BMPR1A: variants seen among roughly 807,000 people sequenced by gnomAD.
BMPR1A encodes bone morphogenetic protein receptor type 1A.
In BMPR1A, 7 loss-of-function variants were observed where a neutral mutation model predicts 66.0. The ratio of observed to expected loss-of-function variants is 0.11; its 90% CI spans 0.06 to 0.20. The LOEUF is 0.20. BMPR1A is among the 10% of genes least tolerant of loss of function. The probability of loss-of-function intolerance (pLI) is 1.00; values close to 1 mark genes in which losing one functional copy is unlikely to be tolerated. For synonymous variants in BMPR1A, 200 were observed against 229.7 expected (o/e 0.87, Z 1.17); for missense variants, 408 against 669.1 (o/e 0.61, Z 4.31).
At chr10:86,923,182 T>C (rs1843692231) in intron 11 of BMPR1A, among the ~76,000 whole-genome samples, 194 bp from the exon 12 acceptor site, 1 of 152,202 alleles carries the variant, frequency 6.6e-6, no homozygotes, top group South Asian at 2.1e-4. Flanking sequence ...ACATCCCTGG[T>C]GGAGGTAGAG....
intron 3 of BMPR1A, among the ~76,000 whole-genome samples, chr10:86,882,583 C>T (rs1843003959): frequency 6.7e-6 from 1 of 148,866 alleles, no homozygotes; most frequent in African/African-American, 2.5e-5. Flanking sequence ...TTTTGGTTTA[C>T]TTGTGGGGCT....
chr10:86,832,219 G>C (rs1842278074), intron 1 of BMPR1A, among the ~76,000 whole-genome samples: 1 of 152,172 alleles, frequency 6.6e-6, no homozygotes, highest in African/African-American at 2.4e-5. Flanking sequence ...TGTAATCCCA[G>C]CACTCTGGGA....
chr10:86,912,654 C>T (rs974939640), intron 8 of BMPR1A, among the ~76,000 whole-genome samples: 4 of 152,240 alleles, frequency 2.6e-5, no homozygotes, highest in South Asian at 2.1e-4. Context: ...AGTTAGATCA[C>T]GAAGTCCTAT....
At chr10:86,774,894 TAAGAA>T (rs1208476348) in intron 1 of BMPR1A, among the ~76,000 whole-genome samples, 1 of 152,220 alleles carries the variant, frequency 6.6e-6, no homozygotes, top group Non-Finnish European at 1.5e-5. Flanking sequence ...AGACTAGTTT[TAAGAA>T]AAGAAAGAAC....
chr10:86,802,476 TGTAAA>T (rs2132871516), intron 1 of BMPR1A, among the ~76,000 whole-genome samples: 2 of 152,252 alleles, frequency 1.3e-5, no homozygotes, highest in African/African-American at 2.4e-5. Context: ...ATGACTATGA[TGTAAA>T]GGAAAGGGAG....
chr10:86,923,177 C>T (rs1210276546), intron 11 of BMPR1A, among the ~76,000 whole-genome samples, 199 bp from the exon 12 acceptor site: 3 of 151,906 alleles, frequency 2.0e-5, no homozygotes, highest in Non-Finnish European at 4.4e-5. Context: ...TGATGACATC[C>T]CTGGTGGAGG....
At chr10:86,796,491 AT>A (rs941284189) in intron 1 of BMPR1A, among the ~76,000 whole-genome samples, 19 of 46,582 alleles carry the variant, frequency 4.1e-4, no homozygotes, top group African/African-American at 1.8e-3. Flanking sequence ...ATTTAGGCAC[AT>A]TTATTTATTT....
At chr10:86,851,785 C>T (rs1354012177) in intron 2 of BMPR1A, among the ~76,000 whole-genome samples, 6 of 152,046 alleles carry the variant, frequency 3.9e-5, no homozygotes, top group Admixed American at 1.3e-4. Flanking sequence ...GTTGGAGCAT[C>T]GTAAGGGTAT....
At chr10:86,888,667 G>T (rs990972906) in intron 3 of BMPR1A, among the ~76,000 whole-genome samples, 1 of 151,374 alleles carries the variant, frequency 6.6e-6, no homozygotes, top group Non-Finnish European at 1.5e-5. Context: ...TCCCTACAAA[G>T]AATTTAAAAA....
downstream of BMPR1A, chr10:86,930,424 C>A (rs186374503): frequency 9.8e-5 from 15 of 152,316 alleles, no homozygotes; most frequent in African/African-American, 3.6e-4. Flanking sequence ...GGATTACAGG[C>A]GTGCACCACC....
intron 1 of BMPR1A, among the ~76,000 whole-genome samples, chr10:86,814,676 A>G (rs1842009888): frequency 6.6e-6 from 1 of 152,014 alleles, no homozygotes; most frequent in Admixed American, 6.6e-5. Flanking sequence ...TACTAATAGT[A>G]GGTTCTAATT....
intron 2 of BMPR1A, among the ~76,000 whole-genome samples, chr10:86,846,028 A>G (rs1842481664): frequency 6.6e-6 from 1 of 151,802 alleles, no homozygotes; most frequent in Non-Finnish European, 1.5e-5. Context: ...ATATAGATAT[A>G]TGTATATATC....
At chr10:86,801,063 T>C (rs1437072318) in intron 1 of BMPR1A, among the ~76,000 whole-genome samples, 1 of 152,256 alleles carries the variant, frequency 6.6e-6, no homozygotes, top group Non-Finnish European at 1.5e-5. Context: ...GTTAAAAATA[T>C]GGGCAGGACA....
In BMPR1A at chr10:86,780,060, G is replaced by A. The variant is rs576032222; in HGVS notation, c.-268+23141G>A. On this transcript the variant is annotated intron_variant, in intron 1 of 12. Coordinates refer to ENST00000372037, the MANE Select transcript of BMPR1A (RefSeq NM_004329.3). ...GCTGGGATTACAGGCATGAGCCCCTGGTAATAGCACCTGGCCTATTTCATT... is the reference window on the plus strand; with the variant it reads ...GCTGGGATTACAGGCATGAGCCCCTAGTAATAGCACCTGGCCTATTTCATT... 7.9e-5 allele frequency among the ~76,000 whole-genome samples: 12 copies of A among 152,154 alleles called. No homozygotes were observed. The South Asian group carries it at 2.5e-3, about 32-fold the overall frequency.
At chr10:86,861,600 A>G in intron 2 of BMPR1A, among the ~76,000 whole-genome samples, 1 of 152,314 alleles carries the variant, frequency 6.6e-6, no homozygotes, top group East Asian at 1.9e-4. Flanking sequence ...GTCTGTAATT[A>G]TTTCCATACT....
chr10:86,765,407 C>T (rs940239036), intron 1 of BMPR1A, among the ~76,000 whole-genome samples: 1 of 146,146 alleles, frequency 6.8e-6, no homozygotes, highest in African/African-American at 2.5e-5. Flanking sequence ...TCACTTGAAC[C>T]TGGGAGGTGG....
intron 1 of BMPR1A, among the ~76,000 whole-genome samples, chr10:86,790,933 T>C (rs1240798362): frequency 6.6e-6 from 1 of 152,242 alleles, no homozygotes; most frequent in Non-Finnish European, 1.5e-5. Flanking sequence ...ATTCCAAATA[T>C]TGGTTTTAGT....
intron 7 of BMPR1A, among the ~76,000 whole-genome samples, chr10:86,907,807 G>C (rs1485127836): frequency 1.3e-5 from 2 of 152,192 alleles, no homozygotes; most frequent in Non-Finnish European, 2.9e-5. Context: ...CCAGAGGTTA[G>C]AAAGGAGGGA....
At chr10:86,834,868 CT>C (rs892475313) in intron 1 of BMPR1A, among the ~76,000 whole-genome samples, 78 of 149,688 alleles carry the variant, frequency 5.2e-4, no homozygotes, top group African/African-American at 1.9e-3. Flanking sequence ...TAATTTGGCT[CT>C]TTTTTTTTAA....
Sources: allele counts gnomAD v4.1 joint callset (sites outside exome capture counted in the v4.1 genomes callset), GRCh38; gene constraint gnomAD v4.1.1; transcripts MANE v1.5; gene names NCBI Gene and HGNC (gene_info 2026-07-23, HGNC 2026-07-21).